Variants in TRERF1 observed in about 807,000 individuals in gnomAD.
TRERF1 encodes transcriptional regulating factor 1.
Under a neutral mutation model 122.9 loss-of-function variants are expected in TRERF1, and 27 were observed. The observed-to-expected ratio is 0.22, with a 90% CI of 0.16 to 0.30. The LOEUF is 0.30. TRERF1 is among the 10% of genes least tolerant of loss of function. The pLI, the probability that TRERF1 is intolerant of heterozygous loss-of-function variation, is 1.00. For synonymous variants in TRERF1, 636 were observed against 641.7 expected (o/e 0.99, Z 0.13); for missense variants, 1,248 against 1,560.3 (o/e 0.80, Z 3.37).
chr6:42,237,130 A>C (rs1317935270), intron 15 of TRERF1, among the ~76,000 whole-genome samples: 1 of 152,242 alleles, frequency 6.6e-6, no homozygotes, highest in Non-Finnish European at 1.5e-5. Flanking sequence ...GAAAAAGAAC[A>C]AGAAAAACTT....
At chr6:42,255,060 G>A in intron 12 of TRERF1, 134 bp from the exon 13 acceptor site, 1 of 764,876 alleles carries the variant, frequency 1.3e-6, no homozygotes, top group Non-Finnish European at 2.2e-6. Context: ...GAAACCCAGA[G>A]GGAGACTCCC....
Position 42,291,708 on chromosome 6 carries a change from T to G in TRERF1, c.-259+8930A>C, listed in dbSNP as rs192893423. Among the ~76,000 whole-genome samples, 346 of 151,698 alleles carry G rather than the reference T, an allele frequency of 2.3e-3. 1 individual carries two copies. Among genetic ancestry groups the G allele is most frequent in the East Asian group, 0.022 (112 of 5,158 alleles). On this transcript the variant is annotated intron_variant, in intron 4 of 17. Coordinates refer to ENST00000372922, the Ensembl canonical transcript of TRERF1. ...GCCACCACGCCCGGCTGTTTTTTTT[T>G]TTTGTGTGTGTATTTTTTAGTAGAG... is the stretch of plus-strand genomic sequence containing the variant.
intron 2 of TRERF1, among the ~76,000 whole-genome samples, chr6:42,447,470 C>T (rs1419865839): frequency 6.6e-6 from 1 of 152,212 alleles, no homozygotes; most frequent in Non-Finnish European, 1.5e-5. Context: ...ATCAACTATT[C>T]GTTAGTTCTC....
chr6:42,304,570 C>T (rs1300783639), intron 3 of TRERF1, among the ~76,000 whole-genome samples: 1 of 152,212 alleles, frequency 6.6e-6, no homozygotes, highest in Non-Finnish European at 1.5e-5. Flanking sequence ...TTGCAAGGCT[C>T]AGAGTCAGCT....
At chr6:42,307,609 C>T (rs1787503397) in intron 3 of TRERF1, among the ~76,000 whole-genome samples, 1 of 151,342 alleles carries the variant, frequency 6.6e-6, no homozygotes, top group Admixed American at 6.6e-5. Flanking sequence ...CTGTGCTGAT[C>T]TGGCTTTCCC....
chr6:42,344,274 G>A (rs368880360), intron 3 of TRERF1, among the ~76,000 whole-genome samples: 71 of 152,302 alleles, frequency 4.7e-4, no homozygotes, highest in African/African-American at 1.7e-3. Context: ...CTCTTCGCAG[G>A]TCAGGTGCCA....
intron 5 of TRERF1, among the ~76,000 whole-genome samples, chr6:42,266,315 A>G (rs1335530325): frequency 6.6e-6 from 1 of 151,674 alleles, no homozygotes; most frequent in East Asian, 1.9e-4. Flanking sequence ...CAGCCTCCCA[A>G]GTAGCTGGGA....
At chr6:42,297,917 G>A (rs1785378071) in intron 4 of TRERF1, among the ~76,000 whole-genome samples, 1 of 151,900 alleles carries the variant, frequency 6.6e-6, no homozygotes, top group African/African-American at 2.4e-5. Context: ...TTCAGATTTG[G>A]GAATTACAAG....
At chr6:42,374,255 G>C (rs1338369239) in intron 2 of TRERF1, among the ~76,000 whole-genome samples, 3 of 152,164 alleles carry the variant, frequency 2.0e-5, no homozygotes, top group Non-Finnish European at 4.4e-5. Context: ...TACACACTCT[G>C]TTCTCTGCCC....
chr6:42,359,913 T>C lies in TRERF1; in HGVS notation c.-371+3084A>G, dbSNP rs1289047741. On this transcript the variant is annotated intron_variant, in intron 3 of 17. Coordinates refer to ENST00000372922, the Ensembl canonical transcript of TRERF1. ...TTCAGTTGTATGCTCCTTAAACTTA[T>C]CTGTATTTAGGCTTCCCCCAAAATG... 4.6e-5 allele frequency among the ~76,000 whole-genome samples: 7 copies of C among 152,114 alleles called. No individual in the cohort carries two copies. In the East Asian group the frequency reaches 1.3e-3, roughly 29 times the overall value.
intron 4 of TRERF1, among the ~76,000 whole-genome samples, chr6:42,271,022 C>CA (rs1305255979): frequency 2.0e-5 from 3 of 151,192 alleles, no homozygotes; most frequent in South Asian, 2.1e-4. Flanking sequence ...CTGTCTCTAT[C>CA]AAAAATACAA....
chr6:42,369,230 A>G lies in TRERF1; in HGVS notation c.-453-6151T>C, dbSNP rs1367820674. ...TTTGGGAGGCCAAGGCGGGTGGATC[A>G]CTTGAGGTCAAGAGCTCCAGACCAG... On this transcript the variant is annotated intron_variant, in intron 2 of 17. Coordinates refer to ENST00000372922, the Ensembl canonical transcript of TRERF1. Among the ~76,000 whole-genome samples, 4 of 152,318 alleles carry G rather than the reference A, an allele frequency of 2.6e-5. No homozygotes were observed. The East Asian group carries it at 7.7e-4, about 29-fold the overall frequency.
chr6:42,413,254 C>T (rs1781372849), intron 2 of TRERF1, among the ~76,000 whole-genome samples: 1 of 152,054 alleles, frequency 6.6e-6, no homozygotes, highest in African/African-American at 2.4e-5. Context: ...TCGTTCAATA[C>T]TGGATACTTG....
intron 2 of TRERF1, among the ~76,000 whole-genome samples, chr6:42,439,911 C>G (rs1052324835): frequency 6.6e-6 from 1 of 152,172 alleles, no homozygotes; most frequent in African/African-American, 2.4e-5. Context: ...CACTGTGTGT[C>G]GTATTTCCAT....
At chr6:42,447,654 C>T (rs1026556723) in intron 2 of TRERF1, among the ~76,000 whole-genome samples, 5 of 152,150 alleles carry the variant, frequency 3.3e-5, no homozygotes, top group African/African-American at 1.2e-4. Flanking sequence ...CCATTTATAC[C>T]GCCTGGGGTA....
chr6:42,234,805 C>G (rs1351961065), intron 16 of TRERF1, among the ~76,000 whole-genome samples: 1 of 151,872 alleles, frequency 6.6e-6, no homozygotes, highest in Admixed American at 6.6e-5. Flanking sequence ...AAAATTGGAA[C>G]AGAAAAATAT....
chr6:42,327,909 G>A (rs1271134440), intron 3 of TRERF1, among the ~76,000 whole-genome samples: 1 of 151,882 alleles, frequency 6.6e-6, no homozygotes, highest in Non-Finnish European at 1.5e-5. Flanking sequence ...TGTGTTTGAG[G>A]GCCAGAGGAA....
At chr6:42,395,754 C>T (rs1778472178) in intron 2 of TRERF1, among the ~76,000 whole-genome samples, 1 of 151,950 alleles carries the variant, frequency 6.6e-6, no homozygotes, top group South Asian at 2.1e-4. Context: ...TATCTAAGCC[C>T]TTACAGTAGG....
At chr6:42,283,924 A>T (rs1266319380) in intron 4 of TRERF1, among the ~76,000 whole-genome samples, 1 of 151,936 alleles carries the variant, frequency 6.6e-6, no homozygotes, top group African/African-American at 2.4e-5. Flanking sequence ...GCCAAAAAAA[A>T]CCTTTATGTG....
Sources: allele counts gnomAD v4.1 joint callset (sites outside exome capture counted in the v4.1 genomes callset), GRCh38; gene constraint gnomAD v4.1.1; transcripts MANE v1.5; gene names NCBI Gene and HGNC (gene_info 2026-07-23, HGNC 2026-07-21).